The following KIAA2012 variants were observed in gnomAD, a reference collection of about 807,000 sequenced individuals.
KIAA2012 encodes uncharacterized protein KIAA2012.
In KIAA2012, 125 loss-of-function variants were observed where a neutral mutation model predicts 150.6. The observed-to-expected ratio is 0.83, with a 90% CI of 0.72 to 0.96. The LOEUF (loss-of-function observed/expected upper bound fraction) is 0.96, where lower values mean the gene tolerates loss of function less well. Ranked by LOEUF, KIAA2012 falls within the 40% of genes least tolerant of loss-of-function variation. KIAA2012 has a pLI of 0.00. For synonymous variants in KIAA2012, 462 were observed against 504.7 expected, an observed-to-expected ratio of 0.92 and a Z score of 1.13; for missense variants, 1,219 against 1,354.9, an observed-to-expected ratio of 0.90 and a Z score of 1.57.
At chr2:202,133,842 TATA>T (rs1691009846) in intron 12 of KIAA2012, among the ~76,000 whole-genome samples, 1 of 152,202 alleles carries the variant, frequency 6.6e-6, no homozygotes. Context: ...CAAAATTTAT[TATA>T]ATACTACAAA....
At chr2:202,182,832 T>G (rs1692149465) in intron 15 of KIAA2012, among the ~76,000 whole-genome samples, 2 of 152,230 alleles carry the variant, frequency 1.3e-5, no homozygotes, top group Non-Finnish European at 2.9e-5. Flanking sequence ...CAAATCTCAG[T>G]ACAGTCAGTC....
intron 6 of KIAA2012, 84 bp downstream of exon 6, chr2:202,099,880 A>G (rs962523822): frequency 1.9e-5 from 23 of 1,186,136 alleles, no homozygotes; most frequent in South Asian, 4.9e-5. Context: ...CATGCCAAAC[A>G]TCACTTCCTT....
intron 13 of KIAA2012, among the ~76,000 whole-genome samples, chr2:202,139,929 TG>T (rs2105945227): frequency 6.6e-6 from 1 of 152,270 alleles, no homozygotes; most frequent in East Asian, 1.9e-4. Flanking sequence ...TACTATCACC[TG>T]CAATGAAAGA....
At chr2:202,127,970 TCC>T (rs1314357802) in intron 12 of KIAA2012, among the ~76,000 whole-genome samples, 1 of 151,788 alleles carries the variant, frequency 6.6e-6, no homozygotes, top group Non-Finnish European at 1.5e-5. Flanking sequence ...CCCTCCTCCC[TCC>T]CCTAGCCCCT....
chr2:202,176,399 G>A (rs1691993224), intron 15 of KIAA2012, among the ~76,000 whole-genome samples: 1 of 152,060 alleles, frequency 6.6e-6, no homozygotes, highest in Non-Finnish European at 1.5e-5. Context: ...GTTTCACCAT[G>A]TTGGCCAGGC....
chr2:202,140,748 C>T (rs1334369274), intron 13 of KIAA2012, among the ~76,000 whole-genome samples: 2 of 152,156 alleles, frequency 1.3e-5, no homozygotes, highest in Non-Finnish European at 1.5e-5. Flanking sequence ...GATTTCAGTT[C>T]CCTACCTTGA....
chr2:202,133,507 G>T (rs1691004890), intron 12 of KIAA2012, among the ~76,000 whole-genome samples: 1 of 152,070 alleles, frequency 6.6e-6, no homozygotes, highest in African/African-American at 2.4e-5. Context: ...TAAGTAAAAG[G>T]ACTGTTATCC....
intron 5 of KIAA2012, among the ~76,000 whole-genome samples, chr2:202,098,331 G>A (rs1689947002): frequency 6.6e-6 from 1 of 152,214 alleles, no homozygotes; most frequent in Non-Finnish European, 1.5e-5. Context: ...CTGCACTCCA[G>A]CCTGGGCAAC....
At chr2:202,098,380 G>T (rs1689948915) in intron 5 of KIAA2012, among the ~76,000 whole-genome samples, 1 of 152,022 alleles carries the variant, frequency 6.6e-6, no homozygotes, top group Non-Finnish European at 1.5e-5. Flanking sequence ...ATAAATAAGG[G>T]TTTCATAGGC....
At chr2:202,108,186 A>G (rs1326923586) in intron 9 of KIAA2012, among the ~76,000 whole-genome samples, 4 of 152,202 alleles carry the variant, frequency 2.6e-5, no homozygotes, top group Non-Finnish European at 4.4e-5. Flanking sequence ...TACCACAGAA[A>G]TGAAGCCAGC....
At chr2:202,109,010 G>A (rs1690273944) in intron 9 of KIAA2012, among the ~76,000 whole-genome samples, 1 of 152,226 alleles carries the variant, frequency 6.6e-6, no homozygotes, top group African/African-American at 2.4e-5. Flanking sequence ...CAGAAGCAGA[G>A]TGTAGGGTAT....
At chr2:202,190,992 T>C (rs750613231) in intron 19 of KIAA2012, among the ~76,000 whole-genome samples, 18 of 152,030 alleles carry the variant, frequency 1.2e-4, no homozygotes, top group Non-Finnish European at 2.6e-4. Context: ...TACAAGATGC[T>C]TTTGGGCCGG....
At chr2:202,174,299 AG>A (rs1691951443) in intron 15 of KIAA2012, among the ~76,000 whole-genome samples, 1 of 152,224 alleles carries the variant, frequency 6.6e-6, no homozygotes, top group South Asian at 2.1e-4. Context: ...GACTAGGACA[AG>A]GATGTCCTCT....
At chr2:202,117,408 T>A (rs1316913220) in intron 11 of KIAA2012, among the ~76,000 whole-genome samples, 1 of 152,230 alleles carries the variant, frequency 6.6e-6, no homozygotes, top group African/African-American at 2.4e-5. Context: ...GGTAAAAGAA[T>A]CCTTCCATGT....
chr2:202,167,631 C>T (rs944656203), intron 15 of KIAA2012, among the ~76,000 whole-genome samples: 45 of 152,104 alleles, frequency 3.0e-4, no homozygotes, highest in Non-Finnish European at 8.8e-5. Context: ...GGAGACCAAC[C>T]TGGGCAATAT....
At chr2:202,160,570 C>T (rs1164733740) in intron 14 of KIAA2012, among the ~76,000 whole-genome samples, 1 of 152,104 alleles carries the variant, frequency 6.6e-6, no homozygotes, top group Non-Finnish European at 1.5e-5. Flanking sequence ...ACCTTGGCCT[C>T]CCAAAGTGCT....
chr2:202,193,665 A>C (rs1692359883), intron 20 of KIAA2012, among the ~76,000 whole-genome samples, 162 bp downstream of exon 20: 1 of 152,188 alleles, frequency 6.6e-6, no homozygotes, highest in African/African-American at 2.4e-5. Context: ...TAGGAACAAC[A>C]CTCACCAGAG....
intron 11 of KIAA2012, among the ~76,000 whole-genome samples, chr2:202,124,304 C>T (rs1414925659): frequency 6.6e-6 from 1 of 152,142 alleles, no homozygotes; most frequent in Non-Finnish European, 1.5e-5. Context: ...GTCATTAAGA[C>T]AGCATTGTTT....
At chr2:202,189,048 G>C (rs1692280398) in intron 18 of KIAA2012, among the ~76,000 whole-genome samples, 1 of 152,168 alleles carries the variant, frequency 6.6e-6, no homozygotes, top group Non-Finnish European at 1.5e-5. Flanking sequence ...TTCATCTCTT[G>C]CTGAATTTAC....
Sources: gnomAD v4.1 joint callset for allele counts (sites outside exome capture counted in the v4.1 genomes callset) on GRCh38, gnomAD v4.1.1 for gene constraint, MANE v1.5 for transcripts, NCBI Gene and HGNC (gene_info 2026-07-23, HGNC 2026-07-21) for gene names.